MFN2: variants seen among roughly 807,000 people sequenced by gnomAD.
MFN2 encodes mitofusin-2.
A neutral mutation model predicts 87.5 loss-of-function variants in MFN2; 43 were observed. The observed-to-expected ratio is 0.49, with a 90% CI of 0.38 to 0.63. MFN2 has a LOEUF of 0.63. MFN2 is among the 30% of genes least tolerant of loss of function. The pLI, the probability that MFN2 is intolerant of heterozygous loss-of-function variation, is 0.00. For missense variants in MFN2, 743 were observed against 972.8 expected, an observed-to-expected ratio of 0.76 and a Z score of 3.14; for synonymous variants, 337 against 359.9, an observed-to-expected ratio of 0.94 and a Z score of 0.72.
chr1:11,988,084 TTGTGTGTG>T (rs112373136), intron 2 of MFN2, among the ~76,000 whole-genome samples: 2 of 144,230 alleles, frequency 1.4e-5, no homozygotes, highest in African/African-American at 5.1e-5. Context: ...CCAATAGTTT[TTGTGTGTG>T]TGTGTGTGTG....
intron 2 of MFN2, among the ~76,000 whole-genome samples, chr1:11,985,272 G>T (rs1638344471): frequency 6.6e-6 from 1 of 152,092 alleles, no homozygotes; most frequent in South Asian, 2.1e-4. Flanking sequence ...GATAATTTGA[G>T]ACAGTTTCTC....
At chr1:11,984,917 CGTAA>C (rs1375981343) in intron 2 of MFN2, among the ~76,000 whole-genome samples, 1 of 152,168 alleles carries the variant, frequency 6.6e-6, no homozygotes, top group Non-Finnish European at 1.5e-5. Flanking sequence ...ACCTGGTAAA[CGTAA>C]GTAAGTGTTT....
At chr1:12,010,229 A>T (rs1048595781) in intron 18 of MFN2, among the ~76,000 whole-genome samples, 1 of 152,244 alleles carries the variant, frequency 6.6e-6, no homozygotes, top group Non-Finnish European at 1.5e-5. Context: ...AACAAGACAC[A>T]GCGTCGCTGC....
chr1:12,011,442 C>A, intron 18 of MFN2, 54 bp from the exon 19 acceptor site: 1 of 1,593,862 alleles, frequency 6.3e-7, no homozygotes, highest in African/African-American at 1.3e-5. Flanking sequence ...GCGGGTAGTC[C>A]TAATACTGCC....
At position 12,007,222 on chromosome 1, in the gene MFN2, G is replaced by C; in HGVS notation, c.2042G>C (p.Gly681Ala). 3 of 1,613,914 alleles carry C rather than the reference G, an allele frequency of 1.9e-6. No individual in the cohort carries two copies. Among genetic ancestry groups the C allele is most frequent in the Non-Finnish European group, 2.5e-6 (3 of 1,179,972 alleles). ...EKLQLVISYT[G>A]SNCSHQVQQE... Reference sequence around the variant, plus strand: ...CTGCAGCTTGTCATCAGCTACACTGGCTCCAACTGCAGCCACCAAGTCCAG... The same window carrying C: ...CTGCAGCTTGTCATCAGCTACACTGCCTCCAACTGCAGCCACCAAGTCCAG... Residue 681 changes from glycine to alanine, a missense_variant, in exon 17 of 19, where the codon GGC becomes GCC. Coordinates refer to ENST00000235329, the MANE Select transcript of MFN2 (RefSeq NM_014874.4).
At chr1:11,982,614 G>A (rs1391874649) in intron 2 of MFN2, 2 of 152,066 alleles carry the variant, frequency 1.3e-5, no homozygotes, top group African/African-American at 4.8e-5. Flanking sequence ...GTGGATTCAG[G>A]GACTGTGCTT....
chr1:11,996,684 C>CT (rs1304687879), intron 5 of MFN2, among the ~76,000 whole-genome samples: 3 of 152,160 alleles, frequency 2.0e-5, no homozygotes, highest in Non-Finnish European at 4.4e-5. Flanking sequence ...GACCGACACT[C>CT]TGAGTTTTCT....
rs1557524867 is a variant in MFN2, at chr1:11,998,878, G to A, written c.708G>A (p.Thr236=). The part of the protein sequence containing the change: ...VANSESTLMQ[T]EKHFFHKVSE... The stretch of plus-strand genomic sequence containing the variant: ...ACTCAGAGTCCACCCTGATGCAGAC[G>A]GTAACTCCTCCTCTGCCTTCTCCCA... The change falls in exon 7 of 19, where the codon ACG becomes ACA. Residue 236 remains threonine, a splice_region_variant and synonymous_variant. Transcript: ENST00000235329. 1.2e-6 allele frequency: 2 copies of A among 1,614,094 alleles called. No homozygotes were observed.
Position 12,001,533 on chromosome 1 carries a change from G to A in MFN2, c.949G>A (p.Ala317Thr). The A allele has an allele frequency of 6.2e-7, 1 of 1,614,236 alleles. No homozygotes were observed. ...GGTGCTCAACGCCAGGATTCAGAAA[G>A]CCCAGGGCATGCCTGAAGGAGGTAA... ...KEVLNARIQK[A>T]QGMPEGGGAL... The change falls in exon 9 of 19, where the codon GCC becomes ACC. Residue 317 changes from alanine to threonine, a missense_variant. Ala to Thr is a moderately conservative substitution (Grantham distance 58, BLOSUM62 0). Around this residue, in one of 3 missense-constraint regions of MFN2, gnomAD observed 571 missense variants for 670.7 expected, o/e 0.85. Coordinates refer to ENST00000235329, the MANE Select transcript of MFN2 (RefSeq NM_014874.4).
intron 15 of MFN2, 64 bp downstream of exon 15, chr1:12,005,995 C>T (rs1022574548): frequency 1.7e-5 from 25 of 1,506,294 alleles, no homozygotes; most frequent in South Asian, 3.4e-5. Flanking sequence ...CCTCCAGACA[C>T]GGGAACCATT....
intron 3 of MFN2, chr1:11,992,208 T>C (rs1431486928): frequency 1.0e-5 from 3 of 297,368 alleles, no homozygotes; most frequent in Non-Finnish European, 6.5e-6. Flanking sequence ...AGCATTTGTG[T>C]TTCAATTCGT....
At chr1:12,005,226 C>T (rs1639356091) in intron 14 of MFN2, among the ~76,000 whole-genome samples, 1 of 152,182 alleles carries the variant, frequency 6.6e-6, no homozygotes, top group African/African-American at 2.4e-5. Context: ...CGACTACAGG[C>T]GTGACCACCA....
At position 11,989,180 on chromosome 1, in the gene MFN2, C is replaced by T; in HGVS notation, c.12C>T (p.Leu4=). The change falls in exon 3 of 19, where the codon CTC becomes CTT. Residue 4 remains leucine (L), a synonymous_variant. Coordinates refer to ENST00000235329, the MANE Select transcript of MFN2 (RefSeq NM_014874.4). The stretch of plus-strand genomic sequence containing the variant: ...TCTCTTGCAGCGCAATGTCCCTGCT[C>T]TTCTCTCGATGCAACTCTATCGTCA... MSL[L]FSRCNSIVTV... is the part of the protein sequence containing the mutation. 6.2e-7 allele frequency: 1 copy of T among 1,614,142 alleles called. No individual in the cohort carries two copies. The highest frequency in any genetic ancestry group is 8.5e-7 in the Non-Finnish European group (1 of 1,180,022).
At chr1:11,986,618 T>G (rs1478623565) in intron 2 of MFN2, among the ~76,000 whole-genome samples, 7 of 138,980 alleles carry the variant, frequency 5.0e-5, no homozygotes, top group Non-Finnish European at 1.1e-4. Flanking sequence ...TGAGATGGAG[T>G]CTTGCTCTAT....
chr1:12,005,770 C>T lies in MFN2; in HGVS notation c.1555C>T (p.Arg519Cys), dbSNP rs369140232. The T allele has an allele frequency of 1.4e-5, 23 of 1,614,110 alleles. 1 individual carries two copies. Among genetic ancestry groups the T allele is most frequent in the Non-Finnish European group, 1.8e-5 (21 of 1,180,044 alleles). Residue 519 changes from arginine to cysteine, a missense_variant, in exon 15 of 19, where the codon CGC becomes TGC. Arg to Cys is a radical substitution (Grantham distance 180, BLOSUM62 -3). This residue lies in a region of MFN2 where 571 missense variants were observed against 670.7 expected (regional missense o/e 0.85). Transcript: ENST00000235329. The stretch of plus-strand genomic sequence containing the variant: ...GAGTCAGATAGACATGCTGGTCCCA[C>T]GCCAGTGCTTCTCCCTCAACTATGA... ...VRSQIDMLVP[R>C]QCFSLNYDLN... is the part of the protein sequence containing the mutation.
chr1:12,011,071 A>G (rs1321837660), intron 18 of MFN2, among the ~76,000 whole-genome samples: 1 of 152,062 alleles, frequency 6.6e-6, no homozygotes. Flanking sequence ...CTAGGGACAC[A>G]CTGCTTGCCC....
intron 2 of MFN2, among the ~76,000 whole-genome samples, chr1:11,985,216 A>AGAAGTCTCTT (rs1638340011): frequency 6.6e-6 from 1 of 152,196 alleles, no homozygotes; most frequent in African/African-American, 2.4e-5. Flanking sequence ...ATTTGGTCAC[A>AGAAGTCTCTT]GAAGTCTCTT....
chr1:11,990,470 C>T (rs1456357231), intron 3 of MFN2, among the ~76,000 whole-genome samples: 1 of 152,164 alleles, frequency 6.6e-6, no homozygotes, highest in Non-Finnish European at 1.5e-5. Context: ...GTAGATCAGG[C>T]CGCTCCCCTC....
chr1:11,986,591 CTTT>C (rs555735351), intron 2 of MFN2, among the ~76,000 whole-genome samples: 2 of 136,752 alleles, frequency 1.5e-5, no homozygotes. Flanking sequence ...TCTTTTTGAT[CTTT>C]TTTTTTTTTT....
Sources: allele counts gnomAD v4.1 joint callset (sites outside exome capture counted in the v4.1 genomes callset), GRCh38; gene constraint gnomAD v4.1.1; regional missense constraint gnomAD v4.1.1; transcripts MANE v1.5; gene names NCBI Gene and HGNC (gene_info 2026-07-23, HGNC 2026-07-21).